The following MRPS23 variants were observed in gnomAD, a reference collection of about 807,000 sequenced individuals.
The protein encoded by MRPS23 is small ribosomal subunit protein mS23.
MRPS23 carries 14 observed loss-of-function variants against 19.8 expected under a neutral mutation model. The ratio of observed to expected loss-of-function variants is 0.71; its 90% CI spans 0.47 to 1.11. The LOEUF (loss-of-function observed/expected upper bound fraction) is 1.11, where lower values mean the gene tolerates loss of function less well. Among genes scored for constraint, MRPS23 ranks in the 50% least tolerant of loss-of-function variants. The pLI is 0.00. For missense variants in MRPS23, 242 were observed against 236.7 expected (o/e 1.02, Z -0.15); for synonymous variants, 113 against 89.7 (o/e 1.26, Z -1.47).
intron 2 of MRPS23, among the ~76,000 whole-genome samples, chr17:57,842,623 T>C (rs1164004082): frequency 6.6e-6 from 1 of 152,126 alleles, no homozygotes; most frequent in African/African-American, 2.4e-5. Flanking sequence ...GTATGTGCAT[T>C]TGTAATTAAG....
chr17:57,849,925 T>A, intron 1 of MRPS23, 42 bp downstream of exon 1: 1 of 1,571,476 alleles, frequency 6.4e-7, no homozygotes, highest in South Asian at 1.1e-5. Context: ...AACCCCAGCC[T>A]GGGGGAGGCA....
intron 2 of MRPS23, among the ~76,000 whole-genome samples, chr17:57,845,646 A>G (rs1365639140): frequency 6.6e-6 from 1 of 152,210 alleles, no homozygotes; most frequent in African/African-American, 2.4e-5. Flanking sequence ...AAATGTGGCC[A>G]TAGAAGTGGT....
In MRPS23 at chr17:57,849,950, C is replaced by G; in HGVS notation, c.44+17G>C. The G allele has an allele frequency of 3.2e-6, 5 of 1,583,214 alleles. No homozygotes were observed. Among genetic ancestry groups the G allele is most frequent in the Non-Finnish European group, 4.3e-6 (5 of 1,172,154 alleles). On this transcript the variant is annotated intron_variant, in intron 1 of 4. Transcript: ENST00000313608. ...TGGGGGAGGCACCCTCAGCCCACCACGGCTGGGAGCACACACCGAGAGAAG... is the reference window on the plus strand; with the variant it reads ...TGGGGGAGGCACCCTCAGCCCACCAGGGCTGGGAGCACACACCGAGAGAAG...
At chr17:57,840,466 C>T (rs2144873228) in intron 4 of MRPS23, among the ~76,000 whole-genome samples, 1 of 151,604 alleles carries the variant, frequency 6.6e-6, no homozygotes, top group South Asian at 2.1e-4. Context: ...GCAGTCATTA[C>T]CACAAAATTC....
intron 2 of MRPS23, among the ~76,000 whole-genome samples, chr17:57,842,261 A>G (rs151080289): frequency 1.2e-4 from 18 of 152,258 alleles, no homozygotes; most frequent in African/African-American, 3.9e-4. Flanking sequence ...AGATCCTCCC[A>G]CCTTGGCTTC....
chr17:57,844,921 G>A (rs920258182), intron 2 of MRPS23, among the ~76,000 whole-genome samples: 9 of 151,334 alleles, frequency 5.9e-5, no homozygotes, highest in Non-Finnish European at 8.8e-5. Context: ...TTTTTGAGTC[G>A]GAGTCTCACT....
In MRPS23 at chr17:57,839,309, G is replaced by C. The variant is rs1339952651; in HGVS notation, c.*474C>G. On this transcript the variant is annotated 3_prime_UTR_variant, in exon 5 of 5. Transcript: ENST00000313608. ...GTCAGCTTGGCCTCTCAAGTGGAGA[G>C]ATAATCGTTCTATAGCAAGAAGTAC... 6.5e-6 allele frequency: 1 copy of C among 153,396 alleles called. No homozygotes were observed. The highest frequency in any genetic ancestry group is 1.5e-5 in the Non-Finnish European group (1 of 68,804). The allele number at this position is 153,396 out of a possible 1,614,324, so 9.5% of individuals were successfully genotyped here. A position where few individuals can be genotyped will look rare whatever the true frequency, so the allele number is the denominator to read the frequency against.
At chr17:57,849,867 G>T in intron 1 of MRPS23, 100 bp downstream of exon 1, 1 of 1,396,620 alleles carries the variant, frequency 7.2e-7, no homozygotes, top group Non-Finnish European at 9.7e-7. Flanking sequence ...CCTGCAATAC[G>T]CCTCGCCCTG....
Position 57,839,842 on chromosome 17 carries a change from G to C in MRPS23, c.514C>G (p.Pro172Ala), listed in dbSNP as rs750195282. ...LEENETQKEV[P>A]QDQHLEAPAD... Reference sequence around the variant, plus strand: ...GGTGCCTCCAAATGCTGGTCCTGTGGAACTTCTTTCTGAGTCTCGTTTTCT... The same window carrying C: ...GGTGCCTCCAAATGCTGGTCCTGTGCAACTTCTTTCTGAGTCTCGTTTTCT... Residue 172 changes from proline to alanine, a missense_variant, in exon 5 of 5, where the codon CCA (proline) becomes GCA (alanine). Coordinates refer to ENST00000313608, the MANE Select transcript of MRPS23 (RefSeq NM_016070.4). 3.1e-6 allele frequency: 5 copies of C among 1,614,204 alleles called. No homozygotes were observed. Among genetic ancestry groups the C allele is most frequent in the Non-Finnish European group, 3.4e-6 (4 of 1,180,032 alleles).
intron 2 of MRPS23, 53 bp downstream of exon 2, chr17:57,849,187 C>G: frequency 6.3e-7 from 1 of 1,583,624 alleles, no homozygotes; most frequent in Admixed American, 1.8e-5. Context: ...CTACCGAAAC[C>G]TTCCCTTCTG....
At position 57,847,025 on chromosome 17, in the gene MRPS23, C is replaced by T. The variant is rs907894039; in HGVS notation, c.215+2215G>A. Among the ~76,000 whole-genome samples, 8 of 152,004 alleles carry T rather than the reference C, an allele frequency of 5.3e-5. No homozygotes were observed. In the East Asian group the frequency reaches 7.7e-4, roughly 15 times the overall value. ...AAGAATGTTGCTAGGAGGCCGGGCA[C>T]GGTGGCTCACACCTGTAATCCCAAC... On this transcript the variant is annotated intron_variant, in intron 2 of 4. Coordinates refer to ENST00000313608, the MANE Select transcript of MRPS23 (RefSeq NM_016070.4).
chr17:57,845,019 T>A (rs1320380164), intron 2 of MRPS23, among the ~76,000 whole-genome samples: 1 of 152,010 alleles, frequency 6.6e-6, no homozygotes, highest in Non-Finnish European at 1.5e-5. Flanking sequence ...CACCTCAGCC[T>A]CCAGACTAGC....
chr17:57,842,854 A>T (rs2073747403), intron 2 of MRPS23, among the ~76,000 whole-genome samples: 1 of 123,742 alleles, frequency 8.1e-6, no homozygotes, highest in Non-Finnish European at 1.7e-5. Context: ...GAGACCTGAG[A>T]CCCTGTCTCT....
chr17:57,846,207 G>A (rs1183549919), intron 2 of MRPS23, among the ~76,000 whole-genome samples: 1 of 151,276 alleles, frequency 6.6e-6, no homozygotes, highest in African/African-American at 2.4e-5. Flanking sequence ...GAGGGAGGTG[G>A]GGGGCAGCCC....
At chr17:57,842,889 TATAC>T (rs1200368403) in intron 2 of MRPS23, among the ~76,000 whole-genome samples, 2,636 of 98,298 alleles carry the variant, frequency 0.027, 38 homozygotes, top group South Asian at 0.032. Flanking sequence ...AATATATATA[TATAC>T]ACACACACAC....
rs1379386414 is a variant in MRPS23, at chr17:57,838,143, AGCCGG to A, written c.*1635_*1639del. 6.6e-6 allele frequency: 1 copy of A among 151,708 alleles called. No individual in the cohort carries two copies. The highest frequency in any genetic ancestry group is 1.9e-4 in the East Asian group (1 of 5,164). 9.4% of individuals were successfully genotyped at this position (151,708 alleles called of 1,614,324 possible). A position where few individuals can be genotyped will look rare whatever the true frequency, so the allele number is the denominator to read the frequency against. On this transcript the variant is annotated 3_prime_UTR_variant, in exon 5 of 5. Transcript: ENST00000313608. ...CGTTTCTACTAAAAATACAAAAATT[AGCCGG>A]GCGTCATAGCATACACCTGTAATCC...
At position 57,839,879 on chromosome 17, in the gene MRPS23, C is replaced by A; in HGVS notation, c.477G>T (p.Gln159His). ...GAGTCTCGTTTTCTTCCAACGCAGTCTGTGGTCTGACACTCAAGTGTTCGG... is the reference window on the plus strand; with the variant it reads ...GAGTCTCGTTTTCTTCCAACGCAGTATGTGGTCTGACACTCAAGTGTTCGG... ...RKSEHLSVRP[Q>H]TALEENETQK... The change falls in exon 5 of 5, where the codon CAG becomes CAT. Residue 159 changes from glutamine to histidine, a missense_variant. By Grantham distance (24) the Gln-to-His change is conservative. Coordinates refer to ENST00000313608, the MANE Select transcript of MRPS23 (RefSeq NM_016070.4). 6.2e-7 allele frequency: 1 copy of A among 1,614,204 alleles called. No homozygotes were observed. The highest frequency in any genetic ancestry group is 8.5e-7 in the Non-Finnish European group (1 of 1,180,046).
At chr17:57,842,891 T>TACATAC (rs2073749381) in intron 2 of MRPS23, among the ~76,000 whole-genome samples, 33 of 76,608 alleles carry the variant, frequency 4.3e-4, no homozygotes, top group African/African-American at 1.4e-3. Context: ...TATATATATA[T>TACATAC]ACACACACAC....
intron 2 of MRPS23, among the ~76,000 whole-genome samples, chr17:57,842,935 C>CAT (rs2073750140): frequency 1.4e-5 from 2 of 140,948 alleles, no homozygotes; most frequent in Non-Finnish European, 3.1e-5. Flanking sequence ...CACACACACA[C>CAT]GAGGCAGGTG....
Sources: gnomAD v4.1 joint callset for allele counts (sites outside exome capture counted in the v4.1 genomes callset) on GRCh38, gnomAD v4.1.1 for gene constraint, MANE v1.5 for transcripts, NCBI Gene and HGNC (gene_info 2026-07-23, HGNC 2026-07-21) for gene names.